NGF: variants seen among roughly 807,000 people sequenced by gnomAD.
NGF encodes nerve growth factor, also known as beta-nerve growth factor.
Under a neutral mutation model 12.8 loss-of-function variants are expected in NGF, and 4 were observed. The ratio of observed to expected loss-of-function variants is 0.31; its 90% CI spans 0.15 to 0.72. The LOEUF (loss-of-function observed/expected upper bound fraction) is 0.72, where lower values mean the gene tolerates loss of function less well. Among genes scored for constraint, NGF ranks in the 30% least tolerant of loss-of-function variants. The probability of loss-of-function intolerance (pLI) is 0.69; values close to 1 mark genes in which losing one functional copy is unlikely to be tolerated. For missense variants in NGF, 283 were observed against 330.8 expected (o/e 0.86, Z 1.12); for synonymous variants, 140 against 130.0 (o/e 1.08, Z -0.52).
chr1:115,333,844 T>A (rs1165396780), intron 1 of NGF, among the ~76,000 whole-genome samples: 1 of 151,696 alleles, frequency 6.6e-6, no homozygotes, highest in African/African-American at 2.4e-5. Context: ...TCTCTTTCTT[T>A]TCTTTTCTTT....
chr1:115,286,295 G>A lies in NGF; in HGVS notation c.501C>T (p.Asn167=), dbSNP rs1230741432. The stretch of plus-strand genomic sequence containing the variant: ...CAAAAAAGTACTGTTTGAATACACT[G>A]TTGTTAATGTTCACCTCTCCCAACA... ...VMVLGEVNIN[N]SVFKQYFFET... is the part of the protein sequence containing the mutation. The change falls in exon 3 of 3, where the codon AAC becomes AAT. Residue 167 remains asparagine (N), a synonymous_variant. Coordinates refer to ENST00000369512, the MANE Select transcript of NGF (RefSeq NM_002506.3). The A allele has an allele frequency of 6.2e-6, 10 of 1,614,080 alleles. No homozygotes were observed. In the South Asian group the frequency reaches 7.7e-5, roughly 12 times the overall value.
At chr1:115,334,940 C>G (rs1366491146) in intron 1 of NGF, among the ~76,000 whole-genome samples, 1 of 152,186 alleles carries the variant, frequency 6.6e-6, no homozygotes, top group Non-Finnish European at 1.5e-5. Flanking sequence ...ACTTCCCTTC[C>G]TTTCTCACAA....
At chr1:115,297,570 A>T (rs1653910495) in intron 1 of NGF, among the ~76,000 whole-genome samples, 1 of 152,182 alleles carries the variant, frequency 6.6e-6, no homozygotes, top group South Asian at 2.1e-4. Context: ...TTAATGGCGA[A>T]CTGTTCAAAA....
intron 1 of NGF, among the ~76,000 whole-genome samples, chr1:115,295,097 C>T (rs546301004): frequency 1.3e-5 from 2 of 152,238 alleles, no homozygotes; most frequent in Admixed American, 6.5e-5. Flanking sequence ...CATGGATCCC[C>T]ACCACATATC....
At chr1:115,333,794 C>CT (rs1460858776) in intron 1 of NGF, among the ~76,000 whole-genome samples, 5 of 105,080 alleles carry the variant, frequency 4.8e-5, no homozygotes, top group Non-Finnish European at 8.6e-5. Context: ...CCTTTCTTTT[C>CT]TTTCTTTCTT....
At chr1:115,290,192 C>A (rs952467441) in intron 2 of NGF, among the ~76,000 whole-genome samples, 3 of 152,032 alleles carry the variant, frequency 2.0e-5, no homozygotes, top group African/African-American at 7.2e-5. Context: ...CTCCTGGGGG[C>A]AGTTCCTGCT....
At position 115,337,267 on chromosome 1, in the gene NGF, GTTTTTTTTTTTTTTT is replaced by G. The variant is rs67307707; in HGVS notation, c.-137+922_-137+936del. On this transcript the variant is annotated intron_variant, in intron 1 of 2. Transcript: ENST00000369512. ...TCGAAATTTTTTTTGTTTTGTTTTTGTTTTTTTTTTTTTTTTTTTTTTTTTTTTTTTTTTTTTTAG... is the reference window on the plus strand; with the variant it reads ...TCGAAATTTTTTTTGTTTTGTTTTTGTTTTTTTTTTTTTTTTTTTTTTTAG... 1.3e-3 allele frequency among the ~76,000 whole-genome samples: 107 copies of G among 81,032 alleles called. 8 individuals are homozygous for G. The highest frequency in any genetic ancestry group is 0.013 in the South Asian group (32 of 2,496). 53.2% of individuals were successfully genotyped at this position (81,032 alleles called of 152,430 possible).
chr1:115,327,462 C>T (rs972978498), intron 1 of NGF, among the ~76,000 whole-genome samples: 5 of 152,202 alleles, frequency 3.3e-5, no homozygotes, highest in Non-Finnish European at 7.3e-5. Context: ...GCTTTGGAGT[C>T]TGACCTCTTC....
At chr1:115,329,748 T>C (rs956276488) in intron 1 of NGF, among the ~76,000 whole-genome samples, 2,098 of 141,386 alleles carry the variant, frequency 0.015, 17 homozygotes, top group Non-Finnish European at 0.023. Flanking sequence ...TTCTTTCTTT[T>C]TTTTTTTTTT....
intron 1 of NGF, among the ~76,000 whole-genome samples, chr1:115,317,739 C>T (rs141566870): frequency 1.0e-3 from 153 of 152,354 alleles, no homozygotes; most frequent in African/African-American, 3.5e-3. Flanking sequence ...AAAGCAAACA[C>T]CTTGCTCACT....
At chr1:115,298,124 C>T (rs1019030929) in intron 1 of NGF, among the ~76,000 whole-genome samples, 1 of 152,126 alleles carries the variant, frequency 6.6e-6, no homozygotes, top group Non-Finnish European at 1.5e-5. Flanking sequence ...GAATGTTGTC[C>T]CTGTCTCTCC....
At chr1:115,331,392 C>T (rs942552770) in intron 1 of NGF, among the ~76,000 whole-genome samples, 8 of 152,202 alleles carry the variant, frequency 5.3e-5, no homozygotes, top group Non-Finnish European at 8.8e-5. Flanking sequence ...AGGAGCCTCC[C>T]TGAAAGCCTT....
At chr1:115,326,955 G>C (rs1290847340) in intron 1 of NGF, among the ~76,000 whole-genome samples, 1 of 152,194 alleles carries the variant, frequency 6.6e-6, no homozygotes, top group Non-Finnish European at 1.5e-5. Context: ...GGCTCAGAGA[G>C]GTTCTGTAAT....
chr1:115,295,989 A>ACTT (rs1653855558), intron 1 of NGF, among the ~76,000 whole-genome samples: 1 of 152,240 alleles, frequency 6.6e-6, no homozygotes, highest in Non-Finnish European at 1.5e-5. Context: ...TAAACATTTA[A>ACTT]AGTACAGTGT....
intron 1 of NGF, among the ~76,000 whole-genome samples, chr1:115,318,766 C>T (rs532812002): frequency 6.6e-5 from 10 of 152,304 alleles, no homozygotes; most frequent in East Asian, 5.8e-4. Context: ...TAAGCCCTTC[C>T]GAGAGCATTT....
intron 1 of NGF, among the ~76,000 whole-genome samples, chr1:115,333,923 T>G (rs577207657): frequency 6.6e-6 from 1 of 151,994 alleles, no homozygotes; most frequent in East Asian, 1.9e-4. Flanking sequence ...TTGTAATGAG[T>G]TGGGCATGAG....
chr1:115,333,516 A>G (rs1291869225), intron 1 of NGF, among the ~76,000 whole-genome samples: 2 of 151,442 alleles, frequency 1.3e-5, no homozygotes, highest in African/African-American at 4.9e-5. Flanking sequence ...AAAAAAAAAA[A>G]AAAAAAGACT....
At chr1:115,309,167 TATGCTGGTTAGA>T (rs1308255346) in intron 1 of NGF, among the ~76,000 whole-genome samples, 1 of 152,178 alleles carries the variant, frequency 6.6e-6, no homozygotes, top group Non-Finnish European at 1.5e-5. Flanking sequence ...ACCCCTTTGT[TATGCTGGTTAGA>T]ATTACTCATC....
intron 1 of NGF, among the ~76,000 whole-genome samples, chr1:115,306,890 T>C (rs549719843): frequency 2.0e-5 from 3 of 152,334 alleles, no homozygotes; most frequent in African/African-American, 7.2e-5. Context: ...GGCCATTAAT[T>C]ATGCAGTTTG....
Sources: gnomAD v4.1 joint callset for allele counts (sites outside exome capture counted in the v4.1 genomes callset) on GRCh38, gnomAD v4.1.1 for gene constraint, MANE v1.5 for transcripts, NCBI Gene and HGNC (gene_info 2026-07-23, HGNC 2026-07-21) for gene names.